Variants in MAP4K3 observed in about 807,000 individuals in gnomAD.
MAP4K3 encodes MAPK/ERK kinase kinase kinase 3.
A neutral mutation model predicts 143.5 loss-of-function variants in MAP4K3; 94 were observed. The ratio of observed to expected loss-of-function variants is 0.65; its 90% confidence interval spans 0.55 to 0.78. The LOEUF (loss-of-function observed/expected upper bound fraction) is 0.78. Among genes scored for constraint, MAP4K3 ranks in the 30% least tolerant of loss-of-function variants. The pLI is 0.00. For missense variants in MAP4K3, 1,077 were observed against 1,068.1 expected (o/e 1.01, Z -0.12); for synonymous variants, 416 against 347.2 (o/e 1.20, Z -2.20).
intron 16 of MAP4K3, among the ~76,000 whole-genome samples, chr2:39,297,122 CT>C (rs932204823): frequency 1.2e-3 from 179 of 145,482 alleles, no homozygotes; most frequent in Admixed American, 1.2e-3. Flanking sequence ...GTTTTCTTTT[CT>C]TTTTTTTTTT....
chr2:39,254,324 G>C (rs1292739901), intron 32 of MAP4K3, 126 bp downstream of exon 32: 2 of 709,972 alleles, frequency 2.8e-6, no homozygotes, highest in South Asian at 1.9e-5. Context: ...TTTATCAATA[G>C]ACTAAATACA....
intron 1 of MAP4K3, among the ~76,000 whole-genome samples, chr2:39,425,982 G>A (rs754642994): frequency 1.2e-4 from 18 of 152,002 alleles, no homozygotes; most frequent in Non-Finnish European, 1.9e-4. Context: ...GGTTTGATGA[G>A]GAACAAAATA....
At chr2:39,377,992 A>G in intron 2 of MAP4K3, 74 bp downstream of exon 2, 1 of 882,542 alleles carries the variant, frequency 1.1e-6, no homozygotes, top group Middle Eastern at 2.3e-4. Flanking sequence ...TGTTAACCAA[A>G]CATCATTAAA....
In MAP4K3 at chr2:39,290,996, G is replaced by A. The variant is rs1420079672; in HGVS notation, c.1272-662C>T. 1.3e-5 allele frequency among the ~76,000 whole-genome samples: 2 copies of A among 151,344 alleles called. 1 individual carries two copies. The highest frequency in any genetic ancestry group is 4.2e-4 in the South Asian group (2 of 4,778). ...GAATGGCATGAACCTGGGAGGTAGA[G>A]CCTGCATGCAGAGAGCTGAGATCAC... On this transcript the variant is annotated intron_variant, in intron 18 of 33. Transcript: ENST00000263881.
At chr2:39,411,316 T>C (rs939247825) in intron 1 of MAP4K3, among the ~76,000 whole-genome samples, 6 of 152,224 alleles carry the variant, frequency 3.9e-5, no homozygotes, top group African/African-American at 1.4e-4. Flanking sequence ...TTTTCCTACT[T>C]AAATCATACT....
intron 15 of MAP4K3, among the ~76,000 whole-genome samples, chr2:39,301,558 A>C (rs896944035): frequency 6.6e-5 from 10 of 152,232 alleles, no homozygotes; most frequent in Middle Eastern, 3.2e-3. Flanking sequence ...CCTTTAATCA[A>C]ATGACAGCTT....
chr2:39,369,199 T>TTTTTG (rs1666010093), intron 2 of MAP4K3, among the ~76,000 whole-genome samples: 1 of 59,506 alleles, frequency 1.7e-5, no homozygotes, highest in South Asian at 7.7e-4. Flanking sequence ...GCTAGTTTTT[T>TTTTTG]TTTTTGTTTT....
At chr2:39,278,344 G>A in intron 24 of MAP4K3, 63 bp downstream of exon 24, 1 of 905,438 alleles carries the variant, frequency 1.1e-6, no homozygotes. Flanking sequence ...CTTATTTCTG[G>A]TCTAATGTGT....
chr2:39,402,350 A>C (rs149650223), intron 1 of MAP4K3, among the ~76,000 whole-genome samples: 8 of 152,314 alleles, frequency 5.3e-5, no homozygotes, highest in African/African-American at 1.9e-4. Flanking sequence ...TTAATTGCCA[A>C]ATTTTTTCCA....
At chr2:39,421,654 A>T (rs1439585203) in intron 1 of MAP4K3, among the ~76,000 whole-genome samples, 2 of 152,210 alleles carry the variant, frequency 1.3e-5, no homozygotes, top group Non-Finnish European at 2.9e-5. Context: ...CCTAGTACAT[A>T]GTATATACTC....
intron 1 of MAP4K3, among the ~76,000 whole-genome samples, chr2:39,391,378 A>AAAAAAAAAG (rs1553423384): frequency 3.4e-5 from 5 of 147,014 alleles, no homozygotes; most frequent in Non-Finnish European, 4.5e-5. Flanking sequence ...AAAAAAAAAA[A>AAAAAAAAAG]AAAGAAAGAA....
chr2:39,383,612 G>A (rs748848186), intron 1 of MAP4K3, among the ~76,000 whole-genome samples: 7 of 151,584 alleles, frequency 4.6e-5, no homozygotes, highest in Non-Finnish European at 7.4e-5. Context: ...CTATTGTACC[G>A]GTAGAATTAT....
At chr2:39,363,992 T>TAAAAAA (rs70957104) in intron 2 of MAP4K3, among the ~76,000 whole-genome samples, 2 of 129,120 alleles carry the variant, frequency 1.5e-5, no homozygotes, top group Non-Finnish European at 3.2e-5. Flanking sequence ...ATAGCCATTA[T>TAAAAAA]AAAAAAAAAA....
At chr2:39,293,163 A>G in intron 17 of MAP4K3, 67 bp downstream of exon 17, 2 of 1,122,902 alleles carry the variant, frequency 1.8e-6, no homozygotes, top group Non-Finnish European at 1.3e-6. Context: ...TACATAACAG[A>G]GAAGAAGGCA....
chr2:39,313,633 C>CT lies in MAP4K3; in HGVS notation c.997+1676dup, dbSNP rs200838941. The stretch of plus-strand genomic sequence containing the variant: ...GTTTCAGCGAGTTTCCTGCCTCAGC[C>CT]TCCCCAGTAGCTGGGACTACAGGCA... On this transcript the variant is annotated intron_variant, in intron 13 of 33. Coordinates refer to ENST00000263881, the MANE Select transcript of MAP4K3 (RefSeq NM_003618.4). Among the ~76,000 whole-genome samples the CT allele has an allele frequency of 8.6e-3, 1,317 of 152,316 alleles. 8 individuals carry two copies. Among genetic ancestry groups the CT allele is most frequent in the Non-Finnish European group, 0.015 (1,022 of 68,030 alleles).
rs553959105 is a variant in MAP4K3 at position 39,288,164 on chromosome 2, T to C, written c.1431A>G (p.Arg477=). ...SPAKPSQVPP[R]PPPPRLPPHK... The stretch of plus-strand genomic sequence containing the variant: ...GTGGGGGTAATCTGGGAGGTGGTGG[T>C]CTAGGTGGAACTTGGGATGGCTTTG... Residue 477 remains arginine, a synonymous_variant, in exon 20 of 34, where the codon AGA becomes AGG. Transcript: ENST00000263881. 9 of 1,614,120 alleles carry C rather than the reference T, an allele frequency of 5.6e-6. No individual in the cohort carries two copies. The South Asian group carries it at 9.9e-5, about 18-fold the overall frequency.
At chr2:39,371,792 A>T (rs1325579854) in intron 2 of MAP4K3, among the ~76,000 whole-genome samples, 1 of 151,892 alleles carries the variant, frequency 6.6e-6, no homozygotes, top group Non-Finnish European at 1.5e-5. Context: ...GAAGGTCACT[A>T]CATATATATC....
rs1056811510 is a variant in MAP4K3 at position 39,396,478 on chromosome 2, A to AT, written c.97-18356dup. Among the ~76,000 whole-genome samples, 1,342 of 138,140 alleles carry AT rather than the reference A, an allele frequency of 9.7e-3. 6 individuals carry two copies. Among genetic ancestry groups the AT allele is most frequent in the East Asian group, 0.037 (175 of 4,782 alleles). 90.6% of individuals were successfully genotyped at this position (138,140 alleles called of 152,430 possible). On this transcript the variant is annotated intron_variant, in intron 1 of 33. Transcript: ENST00000263881. ...AATGTGCTTTAACTTCAAGCCCCCA[A>AT]TTTTTTTTTTTTTTTTTTTTAAGCA...
intron 18 of MAP4K3, among the ~76,000 whole-genome samples, chr2:39,291,941 G>A (rs1682062993): frequency 6.6e-6 from 1 of 151,764 alleles, no homozygotes; most frequent in East Asian, 1.9e-4. Flanking sequence ...AGGATTTCAA[G>A]GCCTAGAAAG....
Sources: gnomAD v4.1 joint callset for allele counts (sites outside exome capture counted in the v4.1 genomes callset) on GRCh38, gnomAD v4.1.1 for gene constraint, MANE v1.5 for transcripts, NCBI Gene and HGNC (gene_info 2026-07-23, HGNC 2026-07-21) for gene names.